The following PCDHA2 variants were observed in gnomAD, a reference collection of about 807,000 sequenced individuals.
The protein encoded by PCDHA2 is protocadherin alpha-2.
In PCDHA2, 58 loss-of-function variants were observed where a neutral mutation model predicts 66.0. The ratio of observed to expected loss-of-function variants is 0.88; its 90% CI spans 0.71 to 1.09. The LOEUF (loss-of-function observed/expected upper bound fraction) is 1.09. PCDHA2 is among the 50% of genes least tolerant of loss of function. The pLI is 0.00. For missense variants in PCDHA2, 1,267 were observed against 1,242.3 expected, an observed-to-expected ratio of 1.02 and a Z score of -0.30; for synonymous variants, 634 against 554.0, an observed-to-expected ratio of 1.14 and a Z score of -2.03.
chr5:140,975,514 C>T (rs549258421), intron 1 of PCDHA2, among the ~76,000 whole-genome samples: 2 of 152,304 alleles, frequency 1.3e-5, no homozygotes, highest in African/African-American at 4.8e-5. Flanking sequence ...TATGCAAAAT[C>T]TGCAGTGGAT....
intron 1 of PCDHA2, among the ~76,000 whole-genome samples, chr5:140,932,462 A>G (rs549858141): frequency 6.6e-6 from 1 of 152,022 alleles, no homozygotes; most frequent in African/African-American, 2.4e-5. Flanking sequence ...GCCAGGGTAT[A>G]TAGGAAATAG....
intron 1 of PCDHA2, chr5:140,836,621 G>A (rs2150265986): frequency 1.9e-5 from 31 of 1,613,494 alleles, no homozygotes; most frequent in Non-Finnish European, 2.5e-5. Context: ...GCGCGGTGGG[G>A]AGCTGGTCAT....
chr5:140,917,710 G>T (rs2078316558), intron 1 of PCDHA2, among the ~76,000 whole-genome samples: 3 of 152,132 alleles, frequency 2.0e-5, no homozygotes. Flanking sequence ...TTGTAGGTGT[G>T]CAGCTTTATT....
chr5:140,851,143 A>T, intron 1 of PCDHA2: 1 of 1,310,128 alleles, frequency 7.6e-7, no homozygotes, highest in Non-Finnish European at 9.9e-7. Flanking sequence ...TTAAAGTGAC[A>T]TTGAATTTCT....
intron 1 of PCDHA2, chr5:140,967,218 C>G: frequency 6.2e-7 from 1 of 1,613,744 alleles, no homozygotes; most frequent in Non-Finnish European, 8.5e-7. Flanking sequence ...TTCCCGCGGC[C>G]CAACTACCAG....
chr5:140,935,044 G>C (rs1246943645), intron 1 of PCDHA2, among the ~76,000 whole-genome samples: 1 of 151,942 alleles, frequency 6.6e-6, no homozygotes, highest in African/African-American at 2.4e-5. Context: ...CTTGATTTCT[G>C]GTATTACAAG....
At position 140,981,056 on chromosome 5, in the gene PCDHA2, G is replaced by A. The variant is rs571113984; in HGVS notation, c.2448-1419G>A. 1.5e-3 allele frequency among the ~76,000 whole-genome samples: 227 copies of A among 152,276 alleles called. 1 individual carries two copies. Among genetic ancestry groups the A allele is most frequent in the African/African-American group, 5.2e-3 (217 of 41,556 alleles). ...GGGAAAAAAAACAGATAATTCTAGA[G>A]TGTAGACAAGGGGAAGAATAGTAAA... On this transcript the variant is annotated intron_variant, in intron 2 of 3. Transcript: ENST00000526136.
chr5:140,938,118 T>G (rs1554211986), intron 1 of PCDHA2, among the ~76,000 whole-genome samples: 1 of 152,178 alleles, frequency 6.6e-6, no homozygotes. Context: ...TCTCTCTTTT[T>G]TTAAAAAAAT....
At chr5:140,832,735 T>C (rs1373705667) in intron 1 of PCDHA2, among the ~76,000 whole-genome samples, 2 of 152,316 alleles carry the variant, frequency 1.3e-5, no homozygotes, top group Non-Finnish European at 1.5e-5. Context: ...GTATCCTACA[T>C]AAATACGATG....
chr5:140,870,553 C>T, intron 1 of PCDHA2: 1 of 1,614,032 alleles, frequency 6.2e-7, no homozygotes, highest in East Asian at 2.2e-5. Flanking sequence ...CGCGGACGCG[C>T]AGGAGAACGC....
rs2150249595 is a variant in PCDHA2 at position 140,835,988 on chromosome 5, G to A, written c.2388+38636G>A. Reference sequence around the variant, plus strand: ...AGCTGGAGCTGTTGCAGTTCCAGGTGAGCGCGCGCGATGCGGGCGTGCCGC... The same window carrying A: ...AGCTGGAGCTGTTGCAGTTCCAGGTAAGCGCGCGCGATGCGGGCGTGCCGC... On this transcript the variant is annotated intron_variant, in intron 1 of 3. Transcript: ENST00000526136. 6.1e-5 allele frequency: 99 copies of A among 1,613,224 alleles called. 1 individual carries two copies. The highest frequency in any genetic ancestry group is 7.6e-5 in the Non-Finnish European group (90 of 1,179,718).
chr5:140,876,524 T>C (rs2056397184), intron 1 of PCDHA2: 1 of 1,614,018 alleles, frequency 6.2e-7, no homozygotes, highest in African/African-American at 1.3e-5. Flanking sequence ...CCTGAAGTAA[T>C]GGTTACTTCA....
At chr5:140,990,988 C>A (rs1332573282) in intron 3 of PCDHA2, among the ~76,000 whole-genome samples, 5 of 152,184 alleles carry the variant, frequency 3.3e-5, no homozygotes, top group Admixed American at 6.5e-5. Flanking sequence ...AAGACAATAG[C>A]TACCATTTAT....
chr5:140,805,804 A>G (rs548207122), intron 1 of PCDHA2, among the ~76,000 whole-genome samples: 2 of 152,304 alleles, frequency 1.3e-5, no homozygotes, highest in East Asian at 1.9e-4. Context: ...TTAGAAAATC[A>G]TAGAGGCTAT....
At position 140,795,927 on chromosome 5, in the gene PCDHA2, T is replaced by C. The variant is rs372029609; in HGVS notation, c.963T>C (p.Thr321=). ...EEAKSYEIQV[T]ATDKGTPSMS... ...CAAAGTCCTACGAGATTCAGGTCAC[T>C]GCAACTGACAAAGGAACCCCTTCAA... The change falls in exon 1 of 4, where the codon ACT becomes ACC. Residue 321 remains threonine (T), a synonymous_variant. Transcript: ENST00000526136. The C allele has an allele frequency of 1.2e-5, 20 of 1,613,880 alleles. No individual in the cohort carries two copies. Among genetic ancestry groups the C allele is most frequent in the Admixed American group, 5.0e-5 (3 of 60,000 alleles).
intron 1 of PCDHA2, among the ~76,000 whole-genome samples, chr5:140,956,940 T>G (rs1446313251): frequency 6.7e-6 from 1 of 150,168 alleles, no homozygotes; most frequent in Non-Finnish European, 1.5e-5. Flanking sequence ...AGGATAAAAT[T>G]TACATTAAAA....
At chr5:140,829,744 G>A (rs2150173743) in intron 1 of PCDHA2, 30 of 1,613,564 alleles carry the variant, frequency 1.9e-5, no homozygotes, top group Admixed American at 1.8e-4. Flanking sequence ...ACGTGACGCT[G>A]CAGGTGTTCG....
chr5:140,836,091 G>A, intron 1 of PCDHA2: 1 of 1,613,712 alleles, frequency 6.2e-7, no homozygotes, highest in Non-Finnish European at 8.5e-7. Flanking sequence ...GGCGCCTCGG[G>A]TGGGTGGCAC....
chr5:140,969,529 T>C, intron 1 of PCDHA2: 1 of 1,377,800 alleles, frequency 7.3e-7, no homozygotes, highest in Non-Finnish European at 9.7e-7. Flanking sequence ...GTTTTATTTT[T>C]CATTTTCAGA....
Sources: allele counts gnomAD v4.1 joint callset (sites outside exome capture counted in the v4.1 genomes callset), GRCh38; gene constraint gnomAD v4.1.1; transcripts MANE v1.5; gene names NCBI Gene and HGNC (gene_info 2026-07-23, HGNC 2026-07-21).